The following LHCGR variants were observed in gnomAD, a reference collection of about 807,000 sequenced individuals.
The protein encoded by LHCGR is lutropin-choriogonadotropic hormone receptor.
LHCGR carries 55 observed loss-of-function variants against 60.7 expected under a neutral mutation model. That is an observed-to-expected ratio of 0.91 (90% CI 0.73 to 1.13). The LOEUF (loss-of-function observed/expected upper bound fraction) is 1.13. Ranked by LOEUF, LHCGR falls within the 50% of genes most tolerant of loss-of-function variation. LHCGR has a pLI of 0.00. For missense variants in LHCGR, 862 were observed against 836.0 expected (o/e 1.03, Z -0.38); for synonymous variants, 337 against 316.5 (o/e 1.06, Z -0.69).
At chr2:48,698,928 G>A (rs1162949911) in intron 8 of LHCGR, 128 bp from the exon 9 acceptor site, 4 of 703,750 alleles carry the variant, frequency 5.7e-6, no homozygotes, top group South Asian at 3.5e-5. Flanking sequence ...TGCAAGCTCC[G>A]CCTCCTGGGT....
At chr2:48,705,588 TA>T (rs1209564029) in intron 8 of LHCGR, among the ~76,000 whole-genome samples, 9 of 152,218 alleles carry the variant, frequency 5.9e-5, no homozygotes, top group Admixed American at 5.2e-4. Context: ...GTTGGGTGCA[TA>T]TATATTTAGG....
intron 3 of LHCGR, among the ~76,000 whole-genome samples, chr2:48,727,962 G>C (rs1279186884): frequency 6.6e-6 from 1 of 152,190 alleles, no homozygotes; most frequent in Non-Finnish European, 1.5e-5. Flanking sequence ...GTCTGGGATT[G>C]AACCCCAGTC....
At chr2:48,716,658 T>C (rs1668263235) in intron 6 of LHCGR, among the ~76,000 whole-genome samples, 1 of 152,212 alleles carries the variant, frequency 6.6e-6, no homozygotes, top group Non-Finnish European at 1.5e-5. Flanking sequence ...ACCTTGTTGT[T>C]TCCTTAGAAG....
intron 4 of LHCGR, among the ~76,000 whole-genome samples, chr2:48,725,126 A>G (rs1456212743): frequency 6.6e-6 from 1 of 152,176 alleles, no homozygotes; most frequent in Non-Finnish European, 1.5e-5. Context: ...AGTGGTACTC[A>G]ATTTCTAATG....
At chr2:48,741,664 C>A (rs1210066356) in intron 1 of LHCGR, among the ~76,000 whole-genome samples, 1 of 151,226 alleles carries the variant, frequency 6.6e-6, no homozygotes, top group Non-Finnish European at 1.5e-5. Flanking sequence ...CACCACCAGG[C>A]CTGCCCTAAA....
chr2:48,706,289 G>A (rs142058200), intron 8 of LHCGR, among the ~76,000 whole-genome samples: 1,990 of 152,288 alleles, frequency 0.013, 36 homozygotes, highest in African/African-American at 0.037. Context: ...GCTTCCCTCT[G>A]TGGGTAACCC....
intron 1 of LHCGR, among the ~76,000 whole-genome samples, chr2:48,739,123 T>C (rs935255926): frequency 2.6e-5 from 4 of 152,190 alleles, no homozygotes; most frequent in East Asian, 1.9e-4. Context: ...TACCATCTCA[T>C]ACCAGTTAGA....
intron 1 of LHCGR, among the ~76,000 whole-genome samples, chr2:48,754,311 G>T (rs923690612): frequency 6.6e-6 from 1 of 152,142 alleles, no homozygotes; most frequent in East Asian, 1.9e-4. Context: ...GCCCGTGACA[G>T]ACTGTTGGGG....
chr2:48,697,655 GAC>G (rs1007871443), intron 9 of LHCGR, among the ~76,000 whole-genome samples: 1 of 152,110 alleles, frequency 6.6e-6, no homozygotes, highest in Non-Finnish European at 1.5e-5. Flanking sequence ...TCCAAACAAA[GAC>G]AGCAGCATCT....
chr2:48,724,957 A>T (rs1298949470), intron 4 of LHCGR, among the ~76,000 whole-genome samples: 1 of 152,112 alleles, frequency 6.6e-6, no homozygotes, highest in African/African-American at 2.4e-5. Context: ...TGAGGAGTTT[A>T]TGAAATTTAA....
intron 6 of LHCGR, among the ~76,000 whole-genome samples, chr2:48,717,696 G>A (rs549404395): frequency 3.9e-5 from 6 of 152,142 alleles, no homozygotes; most frequent in Admixed American, 1.3e-4. Flanking sequence ...GAAGTAGGGG[G>A]TCTTTCTCTT....
At chr2:48,692,731 G>T (rs1329912977) in intron 10 of LHCGR, among the ~76,000 whole-genome samples, 1 of 152,194 alleles carries the variant, frequency 6.6e-6, no homozygotes, top group African/African-American at 2.4e-5. Flanking sequence ...ACATTATCTT[G>T]GGGAGAATAC....
In LHCGR at chr2:48,687,597, A is replaced by G; in HGVS notation, c.*100T>C. On this transcript the variant is annotated 3_prime_UTR_variant, in exon 11 of 11. Transcript: ENST00000294954. ...TTGCCTAATGTACCTAAAAATAAAT[A>G]ATTTCCTAAATCCAACCCTTTATGT... 1 of 1,013,004 alleles carries G rather than the reference A, an allele frequency of 9.9e-7. No homozygotes were observed. The highest frequency in any genetic ancestry group is 1.5e-6 in the Non-Finnish European group (1 of 654,188). 62.8% of individuals were successfully genotyped at this position (1,013,004 alleles called of 1,614,324 possible).
chr2:48,698,274 T>C (rs1277107681), intron 9 of LHCGR, among the ~76,000 whole-genome samples: 1 of 152,226 alleles, frequency 6.6e-6, no homozygotes, highest in Non-Finnish European at 1.5e-5. Flanking sequence ...CTTCCTTCAC[T>C]TAAAAAAATG....
At chr2:48,718,601 T>C (rs965836220) in intron 6 of LHCGR, among the ~76,000 whole-genome samples, 1 of 149,678 alleles carries the variant, frequency 6.7e-6, no homozygotes, top group Non-Finnish European at 1.5e-5. Flanking sequence ...TGGTGGTATA[T>C]TTGTAAGCAA....
rs1268771759 is a variant in LHCGR at position 48,715,793 on chromosome 2, C to G, written c.537-1739G>C. ...CATGTTGAAGTATAATATTTAAGCTCTGAAATTCAGAAAATATAACTAGAG... is the reference window on the plus strand; with the variant it reads ...CATGTTGAAGTATAATATTTAAGCTGTGAAATTCAGAAAATATAACTAGAG... On this transcript the variant is annotated intron_variant, in intron 6 of 10. Coordinates refer to ENST00000294954, the MANE Select transcript of LHCGR (RefSeq NM_000233.4). 6.6e-5 allele frequency among the ~76,000 whole-genome samples: 10 copies of G among 152,286 alleles called. No homozygotes were observed. The East Asian group carries it at 1.5e-3, about 24-fold the overall frequency.
In LHCGR at chr2:48,688,787, A is replaced by G. The variant is rs61996314; in HGVS notation, c.1010T>C (p.Leu337Ser). 1,761 of 1,614,166 alleles carry G rather than the reference A, an allele frequency of 1.1e-3. 12 individuals carry two copies. The African/African-American group carries it at 0.021, about 20-fold the overall frequency. Residue 337 changes from leucine to serine, a missense_variant, in exon 11 of 11, where the codon TTA (leucine) becomes TCA (serine). Leu to Ser is a moderately radical substitution (Grantham distance 145). Transcript: ENST00000294954. The surrounding 1 kb of genome is among the most constrained non-coding windows in gnomAD (Gnocchi z 5.2). The part of the protein sequence containing the change: ...SGWDYEYGFC[L>S]PKTPRCAPEP... ...AGGAGCACATCGGGGTGTCTTGGGT[A>G]AGCAGAAACCATATTCATAGTCCCA...
chr2:48,696,668 G>A (rs1178275856), intron 9 of LHCGR, among the ~76,000 whole-genome samples: 4 of 152,174 alleles, frequency 2.6e-5, no homozygotes, highest in Non-Finnish European at 5.9e-5. Context: ...AGCAGGCTGT[G>A]AGGGCCTCAA....
chr2:48,742,792 C>G (rs1419052988), intron 1 of LHCGR, among the ~76,000 whole-genome samples: 1 of 151,860 alleles, frequency 6.6e-6, no homozygotes, highest in Non-Finnish European at 1.5e-5. Context: ...ACTAGAAAAG[C>G]AAGAGCAAAC....
Sources: gnomAD v4.1 joint callset for allele counts (sites outside exome capture counted in the v4.1 genomes callset) on GRCh38, gnomAD v4.1.1 for gene constraint, Gnocchi (gnomAD v3.1) non-coding constraint, MANE v1.5 for transcripts, NCBI Gene and HGNC (gene_info 2026-07-23, HGNC 2026-07-21) for gene names.